The following PDLIM5 variants were observed in gnomAD, a reference collection of about 807,000 sequenced individuals.
PDLIM5 encodes PDZ and LIM domain 5.
PDLIM5 carries 34 observed loss-of-function variants against 64.2 expected under a neutral mutation model. That is an observed-to-expected ratio of 0.53 (90% confidence interval 0.40 to 0.71). The LOEUF (loss-of-function observed/expected upper bound fraction) is 0.71, where lower values mean the gene tolerates loss of function less well. PDLIM5 is among the 30% of genes least tolerant of loss of function. The pLI is 0.00. For synonymous variants in PDLIM5, 253 were observed against 269.1 expected, an observed-to-expected ratio of 0.94 and a Z score of 0.59; for missense variants, 683 against 733.6, an observed-to-expected ratio of 0.93 and a Z score of 0.80.
intron 8 of PDLIM5, among the ~76,000 whole-genome samples, chr4:94,628,447 T>C (rs1739873668): frequency 6.6e-6 from 1 of 152,224 alleles, no homozygotes; most frequent in Non-Finnish European, 1.5e-5. Flanking sequence ...TATCCCAATT[T>C]TTAAATTTTA....
At chr4:94,613,847 A>G (rs1428295068) in intron 7 of PDLIM5, among the ~76,000 whole-genome samples, 1 of 152,166 alleles carries the variant, frequency 6.6e-6, no homozygotes, top group Non-Finnish European at 1.5e-5. Flanking sequence ...AATCTAATTT[A>G]AGTAACAATG....
intron 2 of PDLIM5, 90 bp downstream of exon 2, chr4:94,455,474 T>C (rs745903574): frequency 1.2e-6 from 1 of 834,458 alleles, no homozygotes; most frequent in Non-Finnish European, 2.0e-6. Flanking sequence ...ACCTGTACTC[T>C]ACTTATTATC....
chr4:94,599,973 A>T (rs555425497), intron 7 of PDLIM5, among the ~76,000 whole-genome samples: 14 of 152,310 alleles, frequency 9.2e-5, no homozygotes, highest in Admixed American at 4.6e-4. Context: ...GCTGTGATAG[A>T]TGGTGAAGTG....
chr4:94,555,555 CT>C (rs1248382081), intron 3 of PDLIM5, among the ~76,000 whole-genome samples: 1 of 152,124 alleles, frequency 6.6e-6, no homozygotes, highest in Admixed American at 6.5e-5. Flanking sequence ...GTGCTTTTAA[CT>C]TTAGTTTATA....
rs1487073338 is a variant in PDLIM5 at position 94,562,047 on chromosome 4, T to C, written c.249-11304T>C. On this transcript the variant is annotated intron_variant, in intron 3 of 12. Coordinates refer to ENST00000317968, the MANE Select transcript of PDLIM5 (RefSeq NM_006457.5). The stretch of plus-strand genomic sequence containing the variant: ...TCTGCTTATTTTATGTCTTTGAGGA[T>C]ATCATTGCGTGCAGAATTTTTTAAA... Among the ~76,000 whole-genome samples, 7 of 152,338 alleles carry C rather than the reference T, an allele frequency of 4.6e-5. No homozygotes were observed. In the East Asian group the frequency reaches 1.3e-3, roughly 29 times the overall value.
chr4:94,509,336 T>A (rs550384824), intron 2 of PDLIM5, among the ~76,000 whole-genome samples: 6 of 152,302 alleles, frequency 3.9e-5, no homozygotes, highest in Middle Eastern at 3.4e-3. Context: ...TTCTCTGCTC[T>A]ATTTTTCTTT....
chr4:94,607,437 A>G (rs1031898096), intron 7 of PDLIM5, among the ~76,000 whole-genome samples: 7 of 152,182 alleles, frequency 4.6e-5, no homozygotes, highest in African/African-American at 1.7e-4. Flanking sequence ...AAAATAATAC[A>G]GATATCAGAA....
At position 94,637,602 on chromosome 4, in the gene PDLIM5, A is replaced by T. The variant is rs186919253; in HGVS notation, c.1109-2674A>T. Among the ~76,000 whole-genome samples the T allele has an allele frequency of 2.2e-3, 340 of 152,322 alleles. 2 individuals carry two copies. The highest frequency in any genetic ancestry group is 7.9e-3 in the African/African-American group (329 of 41,576). On this transcript the variant is annotated intron_variant, in intron 8 of 12. Transcript: ENST00000317968. The stretch of plus-strand genomic sequence containing the variant: ...CTTTCAAATAGTATTAAATAATTGC[A>T]CAAGTTGAGTATTAAGTAACTCTAA...
intron 11 of PDLIM5, among the ~76,000 whole-genome samples, 182 bp downstream of exon 11, chr4:94,657,729 G>A (rs754049075): frequency 1.2e-4 from 18 of 151,436 alleles, no homozygotes; most frequent in South Asian, 2.1e-4. Flanking sequence ...CTTTTGAGAC[G>A]GAGTCTCACC....
chr4:94,662,825 A>T (rs1742843165), intron 12 of PDLIM5, among the ~76,000 whole-genome samples: 1 of 23,152 alleles, frequency 4.3e-5, no homozygotes, highest in South Asian at 5.3e-4. Context: ...CCTTTACTTA[A>T]AAAAAAAAAA....
At chr4:94,459,971 C>A (rs939570299) in intron 2 of PDLIM5, among the ~76,000 whole-genome samples, 3 of 152,200 alleles carry the variant, frequency 2.0e-5, no homozygotes, top group African/African-American at 7.2e-5. Context: ...GAAAGACTTT[C>A]AGTCCTCAAG....
At chr4:94,649,084 C>G (rs1578541383) in intron 9 of PDLIM5, among the ~76,000 whole-genome samples, 1 of 151,834 alleles carries the variant, frequency 6.6e-6, no homozygotes, top group African/African-American at 2.4e-5. Context: ...CAAGCGATTC[C>G]CCTGCCTCAG....
chr4:94,616,393 A>G (rs906347014), intron 7 of PDLIM5, among the ~76,000 whole-genome samples: 1 of 152,220 alleles, frequency 6.6e-6, no homozygotes, highest in African/African-American at 2.4e-5. Flanking sequence ...CACTTTATAC[A>G]TAATTATCTT....
chr4:94,567,045 G>A (rs1042634100), intron 3 of PDLIM5, among the ~76,000 whole-genome samples: 1 of 152,242 alleles, frequency 6.6e-6, no homozygotes, highest in African/African-American at 2.4e-5. Context: ...CCAGGCTGGA[G>A]TGCAGTGGCA....
intron 7 of PDLIM5, chr4:94,610,182 T>A: frequency 2.0e-6 from 3 of 1,526,664 alleles, no homozygotes; most frequent in South Asian, 2.4e-5. Flanking sequence ...CCACAGGAAA[T>A]GTGGAAGATT....
At chr4:94,642,766 A>G (rs1741099119) in intron 9 of PDLIM5, among the ~76,000 whole-genome samples, 1 of 152,280 alleles carries the variant, frequency 6.6e-6, no homozygotes, top group East Asian at 1.9e-4. Context: ...CAGTGTCACT[A>G]TTACTTAACC....
At chr4:94,481,659 A>G (rs1381084059) in intron 2 of PDLIM5, among the ~76,000 whole-genome samples, 4 of 151,398 alleles carry the variant, frequency 2.6e-5, no homozygotes, top group Non-Finnish European at 4.4e-5. Context: ...CCCAGGCTGG[A>G]GTGCAGTGGC....
At chr4:94,553,526 T>C (rs561321886) in intron 3 of PDLIM5, among the ~76,000 whole-genome samples, 3 of 152,230 alleles carry the variant, frequency 2.0e-5, no homozygotes, top group Non-Finnish European at 2.9e-5. Context: ...TTCAACTTTT[T>C]CATTCTTATG....
At chr4:94,512,952 G>T (rs1299214967) in intron 2 of PDLIM5, among the ~76,000 whole-genome samples, 1 of 152,122 alleles carries the variant, frequency 6.6e-6, no homozygotes, top group Non-Finnish European at 1.5e-5. Flanking sequence ...TTCTGCATAT[G>T]GATGTTCAGT....
Sources: gnomAD v4.1 joint callset for allele counts (sites outside exome capture counted in the v4.1 genomes callset) on GRCh38, gnomAD v4.1.1 for gene constraint, MANE v1.5 for transcripts, NCBI Gene and HGNC (gene_info 2026-07-23, HGNC 2026-07-21) for gene names.